The following POC1B variants were observed in gnomAD, a reference collection of about 807,000 sequenced individuals.
The protein encoded by POC1B is POC1 centriolar protein homolog B.
Under a neutral mutation model 60.6 loss-of-function variants are expected in POC1B, and 44 were observed. That is an observed-to-expected ratio of 0.73 (90% CI 0.57 to 0.93). The LOEUF (loss-of-function observed/expected upper bound fraction) is 0.93. Ranked by LOEUF, POC1B falls within the 40% of genes least tolerant of loss-of-function variation. The pLI is 0.00. For missense variants in POC1B, 555 were observed against 572.3 expected, an observed-to-expected ratio of 0.97 and a Z score of 0.31; for synonymous variants, 180 against 198.9, an observed-to-expected ratio of 0.90 and a Z score of 0.80.
At chr12:89,458,904 T>C (rs1882363921) in intron 10 of POC1B, among the ~76,000 whole-genome samples, 2 of 152,210 alleles carry the variant, frequency 1.3e-5, no homozygotes, top group Non-Finnish European at 2.9e-5. Context: ...AAGGCTAAAA[T>C]TCTTAATCTT....
intron 1 of POC1B, chr12:89,525,541 G>C (rs1030466912): frequency 1.2e-4 from 150 of 1,300,990 alleles, no homozygotes; most frequent in Non-Finnish European, 1.4e-4. Context: ...GATGCGCCTC[G>C]GCTTTGGTAC....
At chr12:89,520,024 T>C (rs540077902) in intron 2 of POC1B, 1 of 152,316 alleles carries the variant, frequency 6.6e-6, no homozygotes, top group African/African-American at 2.4e-5. Flanking sequence ...GAATCGGTTT[T>C]TTTAGATGTA....
intron 10 of POC1B, among the ~76,000 whole-genome samples, chr12:89,433,381 T>G (rs1420120410): frequency 6.6e-6 from 1 of 152,056 alleles, no homozygotes; most frequent in East Asian, 1.9e-4. Flanking sequence ...AGTGGCTGAG[T>G]GCCCATGGAG....
chr12:89,460,249 C>A (rs1050664358), intron 9 of POC1B, among the ~76,000 whole-genome samples: 9 of 151,740 alleles, frequency 5.9e-5, no homozygotes, highest in Non-Finnish European at 5.9e-5. Context: ...TTAAAGGACA[C>A]CATTTACAAT....
intron 3 of POC1B, among the ~76,000 whole-genome samples, chr12:89,495,184 A>C (rs1023590243): frequency 1.3e-5 from 2 of 152,238 alleles, no homozygotes; most frequent in African/African-American, 4.8e-5. Context: ...TGACTCAGTG[A>C]GCTTTTAGCT....
chr12:89,469,975 C>T (rs1196043782), intron 7 of POC1B, among the ~76,000 whole-genome samples: 1 of 152,004 alleles, frequency 6.6e-6, no homozygotes, highest in Non-Finnish European at 1.5e-5. Flanking sequence ...TCAAGTGATG[C>T]CCCTGCCTTA....
intron 2 of POC1B, among the ~76,000 whole-genome samples, chr12:89,503,772 CATCT>C (rs1869736237): frequency 1.1e-4 from 14 of 124,770 alleles, no homozygotes; most frequent in African/African-American, 3.2e-4. Flanking sequence ...GCAGCCGCCC[CATCT>C]GAGAAGTGAG....
chr12:89,519,969 G>A (rs1053781102), intron 2 of POC1B: 3 of 152,104 alleles, frequency 2.0e-5, no homozygotes, highest in Admixed American at 1.3e-4. Context: ...ACTCTTAATT[G>A]TCTATAGCCA....
chr12:89,504,868 G>A lies in POC1B; in HGVS notation c.101-7526C>T, dbSNP rs111856156. 2.6e-5 allele frequency among the ~76,000 whole-genome samples: 4 copies of A among 152,240 alleles called. 1 individual carries two copies. The highest frequency in any genetic ancestry group is 2.4e-5 in the African/African-American group (1 of 41,510). On this transcript the variant is annotated intron_variant, in intron 2 of 11. Transcript: ENST00000313546. ...GCCTGTAATCCCAGCAATTTGAGAC[G>A]CCAAGGTGAGAGGACCACTTGAGGC... is the stretch of plus-strand genomic sequence containing the variant.
At chr12:89,444,919 A>G (rs1441349773) in intron 10 of POC1B, among the ~76,000 whole-genome samples, 1 of 152,244 alleles carries the variant, frequency 6.6e-6, no homozygotes. Context: ...CTCAGGATAC[A>G]AAATCAATGT....
At chr12:89,414,597 C>G in the POC1B span, among the ~76,000 whole-genome samples, 2 of 152,152 alleles carry the variant, frequency 1.3e-5, no homozygotes, top group Non-Finnish European at 2.9e-5. Flanking sequence ...TCTAAAACCT[C>G]GTGACTTGCT....
intron 2 of POC1B, among the ~76,000 whole-genome samples, chr12:89,518,350 C>T (rs188638658): frequency 6.6e-6 from 1 of 152,244 alleles, no homozygotes; most frequent in East Asian, 1.9e-4. Context: ...CTTAATTCTG[C>T]AAATTACACA....
chr12:89,445,498 A>C (rs1881740276), intron 10 of POC1B, among the ~76,000 whole-genome samples: 1 of 152,102 alleles, frequency 6.6e-6, no homozygotes, highest in South Asian at 2.1e-4. Context: ...CAAAAACAAG[A>C]AATGGGGAAA....
Position 89,521,712 on chromosome 12 carries a change from A to G in POC1B, c.100+3408T>C, listed in dbSNP as rs146030630. 243 of 289,534 alleles carry G rather than the reference A, an allele frequency of 8.4e-4. 1 individual carries two copies. Among genetic ancestry groups the G allele is most frequent in the African/African-American group, 4.7e-3 (220 of 46,546 alleles). The allele number at this position is 289,534 out of a possible 1,614,324, so 17.9% of individuals were successfully genotyped here. ...CATTCATTCATTCATTCAGTCATTC[A>G]TTCACCCACTTACTGAAAGCTGCCT... On this transcript the variant is annotated intron_variant, in intron 2 of 11. Coordinates refer to ENST00000313546, the MANE Select transcript of POC1B (RefSeq NM_172240.3).
rs548724346 is a variant in POC1B, at chr12:89,470,446, T to G, written c.725A>C (p.Tyr242Ser). ...NCISFHPSGN[Y>S]LITASSDGTL... ...ACCATCTGAAGAAGCTGTGATGAGA[T>G]AGTTACCCGAAGGATGGAATGATAT... The change falls in exon 7 of 12, where the codon TAT (tyrosine) becomes TCT (serine). Residue 242 changes from tyrosine (Y) to serine (S), a missense_variant. By Grantham distance (144) the Tyr-to-Ser change is moderately radical. Transcript: ENST00000313546. 1.9e-6 allele frequency: 3 copies of G among 1,608,200 alleles called. No homozygotes were observed. Among genetic ancestry groups the G allele is most frequent in the Non-Finnish European group, 2.6e-6 (3 of 1,175,664 alleles).
chr12:89,501,449 T>G, intron 2 of POC1B: 1 of 962,256 alleles, frequency 1.0e-6, no homozygotes, highest in Non-Finnish European at 1.6e-6. Context: ...ATGTCACATA[T>G]TACCCAAGAC....
chr12:89,434,712 G>C (rs1255934502), intron 10 of POC1B, among the ~76,000 whole-genome samples: 1 of 152,140 alleles, frequency 6.6e-6, no homozygotes, highest in Non-Finnish European at 1.5e-5. Context: ...TGTGAACTGT[G>C]CCATTACACT....
chr12:89,471,794 T>C (rs914921218), intron 5 of POC1B, 65 bp from the exon 6 acceptor site: 1 of 963,580 alleles, frequency 1.0e-6, no homozygotes, highest in Non-Finnish European at 1.5e-6. Context: ...TGAGACGGAA[T>C]CTCACTCTTG....
chr12:89,510,409 G>A (rs1390671107), intron 2 of POC1B, among the ~76,000 whole-genome samples: 1 of 152,174 alleles, frequency 6.6e-6, no homozygotes, highest in East Asian at 1.9e-4. Flanking sequence ...ATGGTCATTA[G>A]TATCATTCAG....
Sources: gnomAD v4.1 joint callset for allele counts (sites outside exome capture counted in the v4.1 genomes callset) on GRCh38, gnomAD v4.1.1 for gene constraint, MANE v1.5 for transcripts, NCBI Gene and HGNC (gene_info 2026-07-23, HGNC 2026-07-21) for gene names.